THRAP3: variants seen among roughly 807,000 people sequenced by gnomAD.
THRAP3 encodes thyroid hormone receptor-associated protein 3.
THRAP3 carries 16 observed loss-of-function variants against 101.0 expected under a neutral mutation model. The observed-to-expected ratio is 0.16, with a 90% confidence interval of 0.11 to 0.24. The LOEUF is 0.24. Among genes scored for constraint, THRAP3 ranks in the 10% least tolerant of loss-of-function variants. The pLI is 1.00. For synonymous variants in THRAP3, 407 were observed against 422.6 expected (o/e 0.96, Z 0.45); for missense variants, 989 against 1,202.7 (o/e 0.82, Z 2.63).
At chr1:36,284,917 T>A (rs56138303) in intron 3 of THRAP3, among the ~76,000 whole-genome samples, 12,818 of 152,282 alleles carry the variant, frequency 0.084, 761 homozygotes, top group Middle Eastern at 0.23. Context: ...AAATGAAAAG[T>A]GTGGAAGGTA....
chr1:36,228,564 A>G (rs904679094), intron 1 of THRAP3, among the ~76,000 whole-genome samples: 5 of 152,118 alleles, frequency 3.3e-5, no homozygotes, highest in Admixed American at 2.6e-4. Flanking sequence ...CATGTTGGCC[A>G]GGTTGGTCTT....
Position 36,286,549 on chromosome 1 carries a change from T to C in THRAP3, c.319T>C (p.Tyr107His). 1 of 1,614,128 alleles carries C rather than the reference T, an allele frequency of 6.2e-7. No homozygotes were observed. Among genetic ancestry groups the C allele is most frequent in the South Asian group, 1.1e-5 (1 of 91,078 alleles). The change falls in exon 4 of 12, where the codon TAC becomes CAC. Residue 107 changes from tyrosine (Y) to histidine (H), a missense_variant. Coordinates refer to ENST00000354618, the MANE Select transcript of THRAP3 (RefSeq NM_005119.4). The surrounding 1 kb of genome is among the most constrained non-coding windows in gnomAD (Gnocchi z 5.5). ...GQYNRGGYGN[Y>H]RSNWQNYRQA... The stretch of plus-strand genomic sequence containing the variant: ...ATATAACCGAGGAGGCTATGGAAAC[T>C]ACCGCTCAAATTGGCAGAATTACCG...
At chr1:36,236,310 TAAG>T (rs1645087979) in intron 1 of THRAP3, among the ~76,000 whole-genome samples, 1 of 151,990 alleles carries the variant, frequency 6.6e-6, no homozygotes, top group Non-Finnish European at 1.5e-5. Flanking sequence ...CAGTGTCTAT[TAAG>T]TATATGTTGA....
At chr1:36,271,620 G>A (rs1404948653) in intron 2 of THRAP3, among the ~76,000 whole-genome samples, 2 of 103,792 alleles carry the variant, frequency 1.9e-5, no homozygotes, top group South Asian at 3.1e-4. Context: ...TTTTTGAGAT[G>A]CAGTCTCTTT....
intron 1 of THRAP3, among the ~76,000 whole-genome samples, chr1:36,235,275 A>G (rs1465146900): frequency 6.6e-6 from 1 of 152,182 alleles, no homozygotes; most frequent in African/African-American, 2.4e-5. Context: ...CATAGATAAT[A>G]ATATTATTGT....
chr1:36,293,500 G>A (rs970746549), intron 7 of THRAP3, among the ~76,000 whole-genome samples: 1 of 152,164 alleles, frequency 6.6e-6, no homozygotes, highest in African/African-American at 2.4e-5. Flanking sequence ...ATTTGGTTGT[G>A]GGAGTCAGTT....
intron 1 of THRAP3, among the ~76,000 whole-genome samples, chr1:36,243,374 T>C (rs1006067072): frequency 6.6e-6 from 1 of 151,676 alleles, no homozygotes. Context: ...CCCTGGGTAC[T>C]TGAGATTAGG....
chr1:36,281,893 A>G (rs974737179), intron 2 of THRAP3, among the ~76,000 whole-genome samples: 1 of 152,028 alleles, frequency 6.6e-6, no homozygotes, highest in Non-Finnish European at 1.5e-5. Context: ...CAACAAGGAG[A>G]AACCCTGTCT....
chr1:36,300,869 C>G lies in THRAP3; in HGVS notation c.2304-17C>G. On this transcript the variant is annotated splice_polypyrimidine_tract_variant and intron_variant, in intron 9 of 11. Transcript: ENST00000354618. ...TTAGAAAGATGATTGATCACCCTGGCTCTTCTCTTTTCACAGGAAGCATCG... is the reference window on the plus strand; with the variant it reads ...TTAGAAAGATGATTGATCACCCTGGGTCTTCTCTTTTCACAGGAAGCATCG... 1 of 1,612,040 alleles carries G rather than the reference C, an allele frequency of 6.2e-7. No homozygotes were observed.
chr1:36,241,644 T>A (rs1431313013), intron 1 of THRAP3, among the ~76,000 whole-genome samples: 1 of 150,530 alleles, frequency 6.6e-6, no homozygotes, highest in Non-Finnish European at 1.5e-5. Context: ...AGTGGCGTGA[T>A]CTTGGCTCAC....
At chr1:36,303,712 G>T (rs930292032) in intron 11 of THRAP3, 84 bp from the exon 12 acceptor site, 2 of 1,579,428 alleles carry the variant, frequency 1.3e-6, no homozygotes, top group Non-Finnish European at 1.7e-6. Context: ...TTTTGGGAAA[G>T]GCACATTTGG....
intron 9 of THRAP3, among the ~76,000 whole-genome samples, chr1:36,298,096 G>C (rs917229141): frequency 7.0e-6 from 1 of 142,600 alleles, no homozygotes. Flanking sequence ...GCACTGAGCC[G>C]AGTTCTCAGC....
At chr1:36,272,070 G>A (rs1299347093) in intron 2 of THRAP3, among the ~76,000 whole-genome samples, 4 of 151,732 alleles carry the variant, frequency 2.6e-5, no homozygotes, top group African/African-American at 9.7e-5. Flanking sequence ...TGTAGAGACA[G>A]GGTCTTGCCA....
chr1:36,209,491 A>G, the THRAP3 span, among the ~76,000 whole-genome samples: 2 of 152,174 alleles, frequency 1.3e-5, no homozygotes, highest in South Asian at 2.1e-4. Flanking sequence ...GGTTGTGACA[A>G]CCACAAATGT....
At chr1:36,228,597 C>T (rs1422950224) in intron 1 of THRAP3, among the ~76,000 whole-genome samples, 1 of 152,078 alleles carries the variant, frequency 6.6e-6, no homozygotes, top group Non-Finnish European at 1.5e-5. Context: ...TCAGGTGATC[C>T]AACGGGCTCG....
At chr1:36,271,334 G>A (rs1331307123) in intron 2 of THRAP3, among the ~76,000 whole-genome samples, 1 of 151,928 alleles carries the variant, frequency 6.6e-6, no homozygotes, top group Non-Finnish European at 1.5e-5. Context: ...CCAGGCTGGA[G>A]TGCAGTGATG....
rs759780069 is a variant in THRAP3, at chr1:36,289,594, T to A, written c.1575T>A (p.Ala525=). ...FVPEKNFRVT[A]YKAVQEKSSS... ...CTGAGAAGAATTTCCGAGTGACTGCTTATAAAGCAGTCCAGGAGAAAAGCT... is the reference window on the plus strand; with the variant it reads ...CTGAGAAGAATTTCCGAGTGACTGCATATAAAGCAGTCCAGGAGAAAAGCT... Residue 525 remains alanine (A), a synonymous_variant, in exon 5 of 12, where the codon GCT becomes GCA. Coordinates refer to ENST00000354618, the MANE Select transcript of THRAP3 (RefSeq NM_005119.4). 6.2e-7 allele frequency: 1 copy of A among 1,614,108 alleles called. No individual in the cohort carries two copies. The highest frequency in any genetic ancestry group is 8.5e-7 in the Non-Finnish European group (1 of 1,180,024).
chr1:36,232,715 T>A (rs948501415), intron 1 of THRAP3, among the ~76,000 whole-genome samples: 2 of 152,238 alleles, frequency 1.3e-5, no homozygotes, highest in Non-Finnish European at 2.9e-5. Flanking sequence ...CAAGTCCTAG[T>A]TCACTCAGGT....
intron 1 of THRAP3, among the ~76,000 whole-genome samples, chr1:36,238,976 T>G (rs1645123136): frequency 1.3e-5 from 2 of 151,904 alleles, no homozygotes; most frequent in South Asian, 4.1e-4. Flanking sequence ...CTCTGTCGCC[T>G]AGGCTGGAGT....
Sources: gnomAD v4.1 joint callset for allele counts (sites outside exome capture counted in the v4.1 genomes callset) on GRCh38, gnomAD v4.1.1 for gene constraint, Gnocchi (gnomAD v3.1) non-coding constraint, MANE v1.5 for transcripts, NCBI Gene and HGNC (gene_info 2026-07-23, HGNC 2026-07-21) for gene names.